ERLIN2: variants seen among roughly 807,000 people sequenced by gnomAD.
The protein encoded by ERLIN2 is erlin-2.
In ERLIN2, 22 loss-of-function variants were observed where a neutral mutation model predicts 41.5. The observed-to-expected ratio is 0.53, with a 90% confidence interval of 0.38 to 0.76. The LOEUF is 0.76. ERLIN2 is among the 30% of genes least tolerant of loss of function. The pLI is 0.00. For synonymous variants in ERLIN2, 149 were observed against 150.9 expected (o/e 0.99, Z 0.09); for missense variants, 247 against 414.3 (o/e 0.60, Z 3.51).
chr8:37,737,484 A>G, intron 1 of ERLIN2: 1 of 219,408 alleles, frequency 4.6e-6, no homozygotes, highest in Non-Finnish European at 9.4e-6. Flanking sequence ...GACTCTGACC[A>G]GAATTACATA....
chr8:37,744,517 A>G (rs948623331), intron 5 of ERLIN2, 54 bp from the exon 6 acceptor site: 16 of 1,613,316 alleles, frequency 9.9e-6, no homozygotes, highest in Non-Finnish European at 1.4e-5. Flanking sequence ...GCCGTGTCTG[A>G]GGGCATTTTG....
chr8:37,736,893 G>C, intron 1 of ERLIN2: 2 of 986,018 alleles, frequency 2.0e-6, no homozygotes, highest in Non-Finnish European at 2.4e-6. Flanking sequence ...CCCCAGACCA[G>C]GGCGCTTGAC....
At chr8:37,752,900 T>C (rs920804676) in intron 10 of ERLIN2, among the ~76,000 whole-genome samples, 4 of 152,182 alleles carry the variant, frequency 2.6e-5, no homozygotes, top group Non-Finnish European at 5.9e-5. Context: ...TTTGAAATGA[T>C]TGATGGAAAT....
intron 6 of ERLIN2, among the ~76,000 whole-genome samples, chr8:37,749,353 C>T (rs569488258): frequency 6.6e-6 from 1 of 152,300 alleles, no homozygotes; most frequent in South Asian, 2.1e-4. Flanking sequence ...AGAAAATGCC[C>T]TTGCGTTCAC....
Position 37,744,650 on chromosome 8 carries a change from G to A in ERLIN2, c.378G>A (p.Gln126=). ...ACAAGATCCACCACGAACTGAACCAGTTCTGCAGTGTGCACACGCTTCAAG... is the reference window on the plus strand; with the variant it reads ...ACAAGATCCACCACGAACTGAACCAATTCTGCAGTGTGCACACGCTTCAAG... ...IFNKIHHELN[Q]FCSVHTLQEV... Residue 126 remains glutamine, a synonymous_variant, in exon 6 of 12, where the codon CAG becomes CAA. Coordinates refer to ENST00000519638, the MANE Select transcript of ERLIN2 (RefSeq NM_007175.8). 2 of 1,614,160 alleles carry A rather than the reference G, an allele frequency of 1.2e-6. No homozygotes were observed. Among genetic ancestry groups the A allele is most frequent in the Non-Finnish European group, 8.5e-7 (1 of 1,180,016 alleles).
At chr8:37,748,118 A>G in intron 6 of ERLIN2, 2 of 720,294 alleles carry the variant, frequency 2.8e-6, no homozygotes, top group Admixed American at 2.5e-5. Flanking sequence ...TACAATTTAA[A>G]TGGCATTTAT....
At chr8:37,748,028 A>AC in intron 6 of ERLIN2, 1 of 1,595,954 alleles carries the variant, frequency 6.3e-7, no homozygotes, top group Non-Finnish European at 8.6e-7. Context: ...AACCTGAAAA[A>AC]CTCTACGCAA....
intron 10 of ERLIN2, among the ~76,000 whole-genome samples, chr8:37,752,071 C>T (rs948555512): frequency 2.0e-5 from 3 of 152,180 alleles, no homozygotes; most frequent in African/African-American, 7.2e-5. Flanking sequence ...AGTTGGCTCT[C>T]CCCCTTGCCT....
At position 37,754,046 on chromosome 8, in the gene ERLIN2, G is replaced by A; in HGVS notation, c.951G>A (p.Glu317=). The A allele has an allele frequency of 6.2e-7, 1 of 1,614,152 alleles. No homozygotes were observed. The highest frequency in any genetic ancestry group is 8.5e-7 in the Non-Finnish European group (1 of 1,179,998). ...DSAGSVSKQF[E]GLADKLSFGL... ...CGGGCAGTGTGAGCAAGCAGTTTGA[G>A]GGGCTAGCTGACAAGCTAAGCTTTG... is the stretch of plus-strand genomic sequence containing the variant. The change falls in exon 12 of 12, where the codon GAG becomes GAA. Residue 317 remains glutamate (E), a synonymous_variant. Coordinates refer to ENST00000519638, the MANE Select transcript of ERLIN2 (RefSeq NM_007175.8).
At chr8:37,744,470 TC>T in intron 5 of ERLIN2, 54 bp downstream of exon 5, 2 of 1,599,384 alleles carry the variant, frequency 1.3e-6, no homozygotes, top group African/African-American at 1.3e-5. Context: ...AGCATGCCAC[TC>T]CCGTGTCTGT....
intron 6 of ERLIN2, chr8:37,748,028 A>C: frequency 6.3e-7 from 1 of 1,595,954 alleles, no homozygotes; most frequent in East Asian, 2.2e-5. Flanking sequence ...AACCTGAAAA[A>C]CTCTACGCAA....
chr8:37,747,736 C>A, intron 6 of ERLIN2: 2 of 1,593,802 alleles, frequency 1.3e-6, no homozygotes, highest in Non-Finnish European at 1.7e-6. Flanking sequence ...ACATTTCTTT[C>A]TGTACTGTAG....
rs1313730664 is a variant in ERLIN2 at position 37,753,369 on chromosome 8, GTCT to G, written c.740-78_740-76del. 9 of 1,191,810 alleles carry G rather than the reference GTCT, an allele frequency of 7.6e-6. No individual in the cohort carries two copies. In the African/African-American group the frequency reaches 1.2e-4, roughly 16 times the overall value. 73.8% of individuals were successfully genotyped at this position (1,191,810 alleles called of 1,614,324 possible). On this transcript the variant is annotated intron_variant, in intron 10 of 11. Transcript: ENST00000519638. ...GCGAAGTTCCAGGGACCAGAACAGA[GTCT>G]TCCCATAGCCTCTGCACTTCCTGCA...
intron 3 of ERLIN2, chr8:37,740,657 A>G (rs1318322562): frequency 6.0e-6 from 1 of 166,942 alleles, no homozygotes; most frequent in Non-Finnish European, 1.2e-5. Flanking sequence ...TTATTCCTTC[A>G]AGATAAAGCC....
chr8:37,754,201 C>A lies in ERLIN2; in HGVS notation c.*86C>A. 1 of 952,164 alleles carries A rather than the reference C, an allele frequency of 1.1e-6. No individual in the cohort carries two copies. The highest frequency in any genetic ancestry group is 1.6e-5 in the African/African-American group (1 of 61,628). 59.0% of individuals were successfully genotyped at this position (952,164 alleles called of 1,614,324 possible). ...AGAATGTTCCTCCCTCCCCGACTAC[C>A]TTCTCTGACTGTCTTCCAGTTACTG... On this transcript the variant is annotated 3_prime_UTR_variant, in exon 12 of 12. Coordinates refer to ENST00000519638, the MANE Select transcript of ERLIN2 (RefSeq NM_007175.8).
chr8:37,753,691 A>G (rs528572275), intron 11 of ERLIN2, among the ~76,000 whole-genome samples, 162 bp downstream of exon 11: 91 of 152,240 alleles, frequency 6.0e-4, no homozygotes, highest in Non-Finnish European at 1.1e-3. Context: ...CTCCTTGGAC[A>G]TGCCTTGATA....
intron 6 of ERLIN2, among the ~76,000 whole-genome samples, chr8:37,748,258 G>T (rs74950380): frequency 0.055 from 8,441 of 152,254 alleles, 784 homozygotes; most frequent in African/African-American, 0.19. Flanking sequence ...TTTGGTCTGA[G>T]GAATGACGTT....
At chr8:37,737,845 C>T (rs1802707013) in intron 1 of ERLIN2, 63 bp from the exon 2 acceptor site, 2 of 1,606,602 alleles carry the variant, frequency 1.2e-6, no homozygotes, top group Non-Finnish European at 1.7e-6. Context: ...GAGGTCCTCT[C>T]GCTGTTGTGG....
Position 37,754,416 on chromosome 8 carries a change from T to A in ERLIN2, c.*301T>A. 2.5e-6 allele frequency: 1 copy of A among 399,304 alleles called. No homozygotes were observed. 24.7% of individuals were successfully genotyped at this position (399,304 alleles called of 1,614,324 possible). ...TTGAGGCTGGCTTAATTAGGGATGC[T>A]GTCATTAAGGAGAGGGAGAAATGTA... is the stretch of plus-strand genomic sequence containing the variant. On this transcript the variant is annotated 3_prime_UTR_variant, in exon 12 of 12. Transcript: ENST00000519638.
Sources: gnomAD v4.1 joint callset for allele counts (sites outside exome capture counted in the v4.1 genomes callset) on GRCh38, gnomAD v4.1.1 for gene constraint, MANE v1.5 for transcripts, NCBI Gene and HGNC (gene_info 2026-07-23, HGNC 2026-07-21) for gene names.